The following TANK variants were observed in gnomAD, a reference collection of about 807,000 sequenced individuals.
TANK encodes TRAF family member-associated NF-kappa-B activator.
In TANK, 15 loss-of-function variants were observed where a neutral mutation model predicts 43.6. The ratio of observed to expected loss-of-function variants is 0.34; its 90% CI spans 0.23 to 0.53. The LOEUF (loss-of-function observed/expected upper bound fraction) is 0.53, where lower values mean the gene tolerates loss of function less well. Ranked by LOEUF, TANK falls within the 20% of genes least tolerant of loss-of-function variation. The pLI is 0.94. For synonymous variants in TANK, 162 were observed against 178.2 expected (o/e 0.91, Z 0.73); for missense variants, 417 against 498.6 (o/e 0.84, Z 1.56).
chr2:161,161,494 C>CT (rs1401705075), intron 1 of TANK: 9 of 1,526,224 alleles, frequency 5.9e-6, no homozygotes, highest in Non-Finnish European at 6.2e-6. Context: ...AATAATACAA[C>CT]TATGTGCAAA....
At chr2:161,160,287 G>A (rs1684348456), upstream of TANK, 1 of 502,352 alleles carries the variant, frequency 2.0e-6, no homozygotes. Context: ...GGGGCGGGCA[G>A]GGGCGGGGCA....
At chr2:161,187,064 A>C (rs114756879) in intron 2 of TANK, among the ~76,000 whole-genome samples, 8 of 152,340 alleles carry the variant, frequency 5.3e-5, no homozygotes, top group Non-Finnish European at 8.8e-5. Flanking sequence ...GAACACTCAT[A>C]CAGTTGTTAA....
At chr2:161,161,504 A>G in intron 1 of TANK, 1 of 1,509,560 alleles carries the variant, frequency 6.6e-7, no homozygotes, top group Non-Finnish European at 8.9e-7. Context: ...CTATGTGCAA[A>G]GCAGGAAGTG....
At chr2:161,150,018 C>T (rs1313630109) in intron 1 of TANK, among the ~76,000 whole-genome samples, 1 of 152,064 alleles carries the variant, frequency 6.6e-6, no homozygotes, top group Non-Finnish European at 1.5e-5. Flanking sequence ...TAGTAAGCAT[C>T]CTTTCCACCC....
chr2:161,185,408 A>G (rs1019234227), intron 2 of TANK, among the ~76,000 whole-genome samples: 2 of 152,048 alleles, frequency 1.3e-5, no homozygotes, highest in African/African-American at 4.8e-5. Context: ...AAGTAAAGAC[A>G]ATATAAACCA....
chr2:161,159,406 T>G (rs924689214), upstream of TANK, among the ~76,000 whole-genome samples: 18 of 152,192 alleles, frequency 1.2e-4, no homozygotes, highest in African/African-American at 4.3e-4. Context: ...GTTTAAATAA[T>G]TTTTTTAAAG....
chr2:161,224,637 T>G lies in TANK; in HGVS notation c.411T>G (p.Asn137Lys). ...TGTTGATTTTTTTTTTTAGGGGTAA[T>G]ATAGAGAAGACTTTCTGGGATCTGA... The part of the protein sequence containing the change: ...LGSPLLHERG[N>K]IEKTFWDLKE... Residue 137 changes from asparagine to lysine, a missense_variant, in exon 6 of 8, where the codon AAT (asparagine) becomes AAG (lysine). Asn to Lys is a moderately conservative substitution (Grantham distance 94). Transcript: ENST00000392749. 6.5e-7 allele frequency: 1 copy of G among 1,532,136 alleles called. No individual in the cohort carries two copies. Among genetic ancestry groups the G allele is most frequent in the East Asian group, 2.3e-5 (1 of 43,308 alleles). 94.9% of individuals were successfully genotyped at this position (1,532,136 alleles called of 1,614,324 possible).
intron 2 of TANK, among the ~76,000 whole-genome samples, chr2:161,182,084 A>AT (rs375481030): frequency 0.012 from 1,746 of 150,628 alleles, 38 homozygotes; most frequent in African/African-American, 0.04. Flanking sequence ...TAGAATTTGG[A>AT]TTTTTTTTTT....
chr2:161,211,724 T>A (rs1425958378), intron 4 of TANK: 1 of 981,854 alleles, frequency 1.0e-6, no homozygotes. Context: ...CTTTTCTATC[T>A]TTTATCATAC....
intron 6 of TANK, among the ~76,000 whole-genome samples, chr2:161,228,431 T>G (rs1223462685): frequency 6.6e-6 from 1 of 152,126 alleles, no homozygotes; most frequent in Admixed American, 6.5e-5. Flanking sequence ...CTCGGGAGGC[T>G]GAGGCAGGAG....
intron 5 of TANK, 101 bp downstream of exon 5, chr2:161,224,092 C>A (rs1687488520): frequency 3.8e-6 from 3 of 797,254 alleles, no homozygotes; most frequent in South Asian, 2.3e-5. Flanking sequence ...AAAAAAATAG[C>A]CTTTTAGAAT....
chr2:161,232,955 A>G, intron 7 of TANK: 3 of 1,183,800 alleles, frequency 2.5e-6, no homozygotes, highest in South Asian at 1.7e-5. Context: ...TTTGAAGACC[A>G]TGTTACAGTT....
chr2:161,182,299 G>A (rs915998385), intron 2 of TANK, among the ~76,000 whole-genome samples: 2 of 151,980 alleles, frequency 1.3e-5, no homozygotes, highest in African/African-American at 2.4e-5. Flanking sequence ...CATCAGATCC[G>A]ACAAGTAAAG....
chr2:161,233,329 C>T (rs375140100), intron 7 of TANK, among the ~76,000 whole-genome samples: 4 of 152,018 alleles, frequency 2.6e-5, no homozygotes, highest in Admixed American at 1.3e-4. Flanking sequence ...CTAGGTAGTT[C>T]GAGGTTGCAG....
chr2:161,167,675 T>G (rs1684748405), intron 1 of TANK, among the ~76,000 whole-genome samples: 2 of 152,168 alleles, frequency 1.3e-5, no homozygotes, highest in African/African-American at 4.8e-5. Flanking sequence ...CAGGCTGGAG[T>G]GCAGTGGCGC....
intron 1 of TANK, among the ~76,000 whole-genome samples, chr2:161,153,254 G>A (rs1684127902): frequency 6.6e-6 from 1 of 151,482 alleles, no homozygotes; most frequent in Non-Finnish European, 1.5e-5. Flanking sequence ...TTAGTTCTTT[G>A]TCCATGGTTT....
rs146078067 is a variant in TANK, at chr2:161,189,669, C to G, written c.99+9908C>G. Among the ~76,000 whole-genome samples, 229 of 152,228 alleles carry G rather than the reference C, an allele frequency of 1.5e-3. 1 individual carries two copies. Among genetic ancestry groups the G allele is most frequent in the African/African-American group, 5.0e-3 (208 of 41,558 alleles). On this transcript the variant is annotated intron_variant, in intron 2 of 7. Transcript: ENST00000392749. ...AGATTCCACACCCAAAAAAAACCCA[C>G]CTGTTAGAACTAATAAACAAATTCA...
chr2:161,198,116 G>A (rs926707787), intron 2 of TANK, among the ~76,000 whole-genome samples: 3 of 152,138 alleles, frequency 2.0e-5, no homozygotes, highest in Non-Finnish European at 2.9e-5. Flanking sequence ...GTGAGCCTAT[G>A]AAATTATACA....
At position 161,224,677 on chromosome 2, in the gene TANK, A is replaced by C. The variant is rs200874509; in HGVS notation, c.451A>C (p.Lys151Gln). ...CTGGGATCTGAAAGAAGAATTTCATAAAATATGCATGCTAGCAAAAGCACA... is the reference window on the plus strand; with the variant it reads ...CTGGGATCTGAAAGAAGAATTTCATCAAATATGCATGCTAGCAAAAGCACA... ...TFWDLKEEFHKICMLAKAQKD... is the reference protein window; with the variant it reads ...TFWDLKEEFHQICMLAKAQKD... Residue 151 changes from lysine to glutamine, a missense_variant, in exon 6 of 8, where the codon AAA becomes CAA. By Grantham distance (53) the Lys-to-Gln change is moderately conservative. Coordinates refer to ENST00000392749, the MANE Select transcript of TANK (RefSeq NM_001199135.3). 1 of 1,589,584 alleles carries C rather than the reference A, an allele frequency of 6.3e-7. No homozygotes were observed. The highest frequency in any genetic ancestry group is 2.3e-5 in the East Asian group (1 of 44,000).
Sources: gnomAD v4.1 joint callset for allele counts (sites outside exome capture counted in the v4.1 genomes callset) on GRCh38, gnomAD v4.1.1 for gene constraint, MANE v1.5 for transcripts, NCBI Gene and HGNC (gene_info 2026-07-23, HGNC 2026-07-21) for gene names.